The following CFAP53 variants were observed in gnomAD, a reference collection of about 807,000 sequenced individuals.
CFAP53 encodes the protein cilia- and flagella-associated protein 53.
Under a neutral mutation model 59.7 loss-of-function variants are expected in CFAP53, and 62 were observed. The observed-to-expected ratio is 1.04, with a 90% CI of 0.85 to 1.28. The LOEUF is 1.28. Among genes scored for constraint, CFAP53 ranks in the 50% most tolerant of loss-of-function variants. CFAP53 has a pLI of 0.00. For synonymous variants in CFAP53, 218 were observed against 205.7 expected, an observed-to-expected ratio of 1.06 and a Z score of -0.51; for missense variants, 629 against 615.6, an observed-to-expected ratio of 1.02 and a Z score of -0.23.
chr18:50,263,538 G>T (rs1372652171), intron 1 of CFAP53, among the ~76,000 whole-genome samples: 1 of 152,196 alleles, frequency 6.6e-6, no homozygotes, highest in Non-Finnish European at 1.5e-5. Flanking sequence ...GATGCTGGGG[G>T]TTATATCATG....
chr18:50,250,363 G>A (rs1254604633), intron 5 of CFAP53, among the ~76,000 whole-genome samples: 3 of 152,138 alleles, frequency 2.0e-5, no homozygotes, highest in South Asian at 2.1e-4. Context: ...AATTCCAAAC[G>A]TATAGGTAGT....
chr18:50,251,311 A>G (rs2033796895), intron 4 of CFAP53, among the ~76,000 whole-genome samples, 170 bp downstream of exon 4: 1 of 152,126 alleles, frequency 6.6e-6, no homozygotes, highest in Admixed American at 6.5e-5. Context: ...CCTTCTATGA[A>G]CTCTGCACCA....
chr18:50,265,628 C>A (rs2033948695), intron 1 of CFAP53, among the ~76,000 whole-genome samples: 1 of 152,204 alleles, frequency 6.6e-6, no homozygotes, highest in East Asian at 1.9e-4. Flanking sequence ...ACTCTGCCTA[C>A]ATGTTAGTTT....
chr18:50,249,663 C>T (rs1379405821), intron 5 of CFAP53, among the ~76,000 whole-genome samples: 1 of 151,908 alleles, frequency 6.6e-6, no homozygotes, highest in Non-Finnish European at 1.5e-5. Flanking sequence ...TATAACATTC[C>T]CAAAATAATA....
intron 4 of CFAP53, 66 bp from the exon 5 acceptor site, chr18:50,251,042 A>T: frequency 1.5e-6 from 2 of 1,307,384 alleles, no homozygotes; most frequent in Non-Finnish European, 2.2e-6. Flanking sequence ...AGTGCATTTG[A>T]CTTCAGAGAT....
intron 3 of CFAP53, among the ~76,000 whole-genome samples, chr18:50,254,374 A>G (rs2033828323): frequency 6.6e-6 from 1 of 152,222 alleles, no homozygotes; most frequent in Non-Finnish European, 1.5e-5. Context: ...AAGTTGCTCA[A>G]CATCACCAGC....
intron 1 of CFAP53, among the ~76,000 whole-genome samples, chr18:50,262,548 C>T (rs1194425937): frequency 1.3e-5 from 2 of 152,182 alleles, no homozygotes; most frequent in African/African-American, 2.4e-5. Context: ...ATTTGCTGAA[C>T]TTGCTTCAAA....
At chr18:50,263,833 G>A (rs1368995846) in intron 1 of CFAP53, among the ~76,000 whole-genome samples, 1 of 152,180 alleles carries the variant, frequency 6.6e-6, no homozygotes, top group Non-Finnish European at 1.5e-5. Context: ...AATACCATGA[G>A]CAGTACCCAA....
intron 5 of CFAP53, among the ~76,000 whole-genome samples, chr18:50,250,152 G>A (rs1216306660): frequency 6.6e-6 from 1 of 151,444 alleles, no homozygotes; most frequent in Non-Finnish European, 1.5e-5. Context: ...CCAGGAGGGC[G>A]AGGCTACAGT....
chr18:50,227,931 A>C (rs374943763), intron 7 of CFAP53, among the ~76,000 whole-genome samples: 9 of 147,862 alleles, frequency 6.1e-5, no homozygotes, highest in African/African-American at 2.2e-4. Flanking sequence ...GAGGATAAGC[A>C]AACTGCTCAA....
At chr18:50,249,960 C>T (rs2033781772) in intron 5 of CFAP53, among the ~76,000 whole-genome samples, 2 of 152,178 alleles carry the variant, frequency 1.3e-5, no homozygotes, top group African/African-American at 4.8e-5. Flanking sequence ...CAGTAGTTCA[C>T]ACCTGTAATC....
At chr18:50,264,728 A>G (rs1465885722) in intron 1 of CFAP53, among the ~76,000 whole-genome samples, 5 of 152,144 alleles carry the variant, frequency 3.3e-5, no homozygotes, top group Non-Finnish European at 2.9e-5. Context: ...CTTAGGTGCA[A>G]AGTATTCAAT....
Position 50,251,637 on chromosome 18 carries a change from T to G in CFAP53, c.621A>C (p.Glu207Asp). ...EEQMFSKLWE[E>D]DRLAKEKREA... ...CTCGCTTTTCCTTGGCTAATCGGTC[T>G]TCCTCCCAGAGTTTGGAGAACATCT... The change falls in exon 4 of 8, where the codon GAA becomes GAC. Residue 207 changes from glutamate (E) to aspartate (D), a missense_variant. Physicochemically the swap from Glu to Asp is conservative, Grantham distance 45 (BLOSUM62 2). Coordinates refer to ENST00000398545, the MANE Select transcript of CFAP53 (RefSeq NM_145020.5). The G allele has an allele frequency of 6.2e-7, 1 of 1,614,214 alleles. No individual in the cohort carries two copies. Among genetic ancestry groups the G allele is most frequent in the Non-Finnish European group, 8.5e-7 (1 of 1,180,046 alleles).
intron 3 of CFAP53, among the ~76,000 whole-genome samples, chr18:50,258,259 T>G (rs139623884): frequency 4.3e-4 from 65 of 152,040 alleles, no homozygotes; most frequent in African/African-American, 1.5e-3. Flanking sequence ...AACAGACACA[T>G]AAACCAATGA....
Position 50,266,425 on chromosome 18 carries a change from GGGGGCGGCGTCCGCCGCGTTTC to G in CFAP53, c.-43_-22del, listed in dbSNP as rs2033982735. 1 of 1,613,302 alleles carries G rather than the reference GGGGGCGGCGTCCGCCGCGTTTC, an allele frequency of 6.2e-7. No homozygotes were observed. The highest frequency in any genetic ancestry group is 1.7e-5 in the Admixed American group (1 of 60,024). ...TACATTTTCGAGTCCCCTTCGGGAC[GGGGGCGGCGTCCGCCGCGTTTC>G]CCCCAACCGTGGCGACCTGCGGGAC... On this transcript the variant is annotated 5_prime_UTR_variant, in exon 1 of 8. Coordinates refer to ENST00000398545, the MANE Select transcript of CFAP53 (RefSeq NM_145020.5).
rs61376799 is a variant in CFAP53, at chr18:50,246,449, T to C, written c.997-3333A>G. On this transcript the variant is annotated intron_variant, in intron 5 of 7. Coordinates refer to ENST00000398545, the MANE Select transcript of CFAP53 (RefSeq NM_145020.5). ...ATGAGGAATAATGAATTAGGATCCTTATCTCATGCCATATACAAAACTTAA... is the reference window on the plus strand; with the variant it reads ...ATGAGGAATAATGAATTAGGATCCTCATCTCATGCCATATACAAAACTTAA... Among the ~76,000 whole-genome samples the C allele has an allele frequency of 6.4e-3, 979 of 152,300 alleles. 7 individuals carry two copies. The highest frequency in any genetic ancestry group is 0.022 in the African/African-American group (932 of 41,550).
chr18:50,251,595 C>A lies in CFAP53; in HGVS notation c.663G>T (p.Arg221Ser), dbSNP rs772545021. ...TGTTCTCCATCAGCTCTTTCTGTCTCCTCGCCTCTTGGGCTTCTCGCTTTT... is the reference window on the plus strand; with the variant it reads ...TGTTCTCCATCAGCTCTTTCTGTCTACTCGCCTCTTGGGCTTCTCGCTTTT... The part of the protein sequence containing the change: ...AKEKREAQEA[R>S]RQKELMENTR... Residue 221 changes from arginine to serine, a missense_variant, in exon 4 of 8, where the codon AGG (arginine) becomes AGT (serine). Transcript: ENST00000398545. 1 of 1,614,216 alleles carries A rather than the reference C, an allele frequency of 6.2e-7. No individual in the cohort carries two copies. The highest frequency in any genetic ancestry group is 1.1e-5 in the South Asian group (1 of 91,088).
intron 3 of CFAP53, 40 bp from the exon 4 acceptor site, chr18:50,251,824 G>A (rs761657676): frequency 1.7e-5 from 26 of 1,536,828 alleles, no homozygotes; most frequent in Admixed American, 3.4e-5. Context: ...CCAGCCTTTC[G>A]TGAGGCACTG....
intron 7 of CFAP53, 46 bp from the exon 8 acceptor site, chr18:50,227,655 T>A: frequency 7.3e-7 from 1 of 1,361,246 alleles, no homozygotes. Context: ...AAAGTAAGCA[T>A]TTAGATTTAT....
Sources: gnomAD v4.1 joint callset for allele counts (sites outside exome capture counted in the v4.1 genomes callset) on GRCh38, gnomAD v4.1.1 for gene constraint, MANE v1.5 for transcripts, NCBI Gene and HGNC (gene_info 2026-07-23, HGNC 2026-07-21) for gene names.